Variants in NCKAP5 observed in about 807,000 individuals in gnomAD.
The protein encoded by NCKAP5 is nck-associated protein 5.
Under a neutral mutation model 167.0 loss-of-function variants are expected in NCKAP5, and 92 were observed. The observed-to-expected ratio is 0.55, with a 90% CI of 0.47 to 0.66. The LOEUF (loss-of-function observed/expected upper bound fraction) is 0.66. Among genes scored for constraint, NCKAP5 ranks in the 30% least tolerant of loss-of-function variants. The pLI is 0.00. For synonymous variants in NCKAP5, 891 were observed against 877.4 expected, an observed-to-expected ratio of 1.02 and a Z score of -0.27; for missense variants, 2,378 against 2,315.0, an observed-to-expected ratio of 1.03 and a Z score of -0.56.
chr2:133,607,508 C>T, the NCKAP5 span, among the ~76,000 whole-genome samples: 1 of 152,128 alleles, frequency 6.6e-6, no homozygotes, highest in Admixed American at 6.6e-5. Context: ...CAAAATCAAA[C>T]AAGCTGAGAC....
Position 133,263,600 on chromosome 2 carries a change from G to T in NCKAP5, c.143+39437C>A, listed in dbSNP as rs142439457. Among the ~76,000 whole-genome samples the T allele has an allele frequency of 1.2e-3, 184 of 152,148 alleles. 1 individual carries two copies. Among genetic ancestry groups the T allele is most frequent in the African/African-American group, 4.0e-3 (168 of 41,498 alleles). On this transcript the variant is annotated intron_variant, in intron 4 of 19. Transcript: ENST00000409261. ...TAGCATTATAAAAACCATTTCTGGAGGAAAGTCATGAATGATATTCACAAC... is the reference window on the plus strand; with the variant it reads ...TAGCATTATAAAAACCATTTCTGGATGAAAGTCATGAATGATATTCACAAC...
the NCKAP5 span, among the ~76,000 whole-genome samples, chr2:133,668,201 T>C: frequency 6.6e-6 from 1 of 152,032 alleles, no homozygotes; most frequent in African/African-American, 2.4e-5. Flanking sequence ...ATTTGGGTTC[T>C]TTCCACTTCT....
intron 9 of NCKAP5, among the ~76,000 whole-genome samples, chr2:132,871,943 A>C (rs1177181895): frequency 6.6e-6 from 1 of 152,208 alleles, no homozygotes; most frequent in African/African-American, 2.4e-5. Flanking sequence ...TGCAACCTCT[A>C]CTAGGCTCAA....
intron 7 of NCKAP5, among the ~76,000 whole-genome samples, chr2:132,979,415 C>A (rs2077065470): frequency 6.6e-6 from 1 of 152,114 alleles, no homozygotes; most frequent in Non-Finnish European, 1.5e-5. Context: ...AGGGCCCACC[C>A]CATGCCCTAG....
intron 3 of NCKAP5, among the ~76,000 whole-genome samples, chr2:133,310,352 C>T (rs2150608448): frequency 6.6e-6 from 1 of 152,300 alleles, no homozygotes; most frequent in African/African-American, 2.4e-5. Context: ...ATCTTGAATT[C>T]CTCTTTCCCA....
At chr2:133,241,585 C>T (rs1272279597) in intron 4 of NCKAP5, among the ~76,000 whole-genome samples, 2 of 152,200 alleles carry the variant, frequency 1.3e-5, no homozygotes, top group Non-Finnish European at 2.9e-5. Context: ...ATATGACTGT[C>T]TATGGTAACC....
At chr2:133,639,879 A>G in the NCKAP5 span, among the ~76,000 whole-genome samples, 1 of 152,196 alleles carries the variant, frequency 6.6e-6, no homozygotes, top group African/African-American at 2.4e-5. Context: ...GAGTGTAAAA[A>G]TAAATGCGGA....
At chr2:132,959,374 A>G (rs1344575121) in intron 8 of NCKAP5, among the ~76,000 whole-genome samples, 1 of 152,150 alleles carries the variant, frequency 6.6e-6, no homozygotes, top group Non-Finnish European at 1.5e-5. Context: ...GAGGCTATCT[A>G]GCTAAGTCAT....
At chr2:133,152,232 C>T (rs2083407332) in intron 5 of NCKAP5, among the ~76,000 whole-genome samples, 1 of 152,150 alleles carries the variant, frequency 6.6e-6, no homozygotes, top group Non-Finnish European at 1.5e-5. Flanking sequence ...CCCCTTACTG[C>T]AGACAATCTC....
intron 6 of NCKAP5, among the ~76,000 whole-genome samples, chr2:133,076,473 G>GA (rs146616760): frequency 0.017 from 2,493 of 150,668 alleles, 138 homozygotes; most frequent in Admixed American, 0.11. Context: ...TCCTACGTAT[G>GA]AAAAAAAAAT....
chr2:133,234,087 G>C (rs569190835), intron 4 of NCKAP5, among the ~76,000 whole-genome samples: 1 of 152,286 alleles, frequency 6.6e-6, no homozygotes, highest in South Asian at 2.1e-4. Flanking sequence ...AGAGCTTAAG[G>C]GAGGATCGCA....
rs538040277 is a variant in NCKAP5 at position 132,807,989 on chromosome 2, T to C, written c.808-11260A>G. Among the ~76,000 whole-genome samples the C allele has an allele frequency of 1.4e-3, 214 of 152,108 alleles. 1 individual carries two copies. The highest frequency in any genetic ancestry group is 4.9e-3 in the African/African-American group (203 of 41,548). ...AAGGGATGCTGGATTTTGTTGAATG[T>C]TTTTTCTGCATCTATTGAGATGATC... On this transcript the variant is annotated intron_variant, in intron 11 of 19. Coordinates refer to ENST00000409261, the MANE Select transcript of NCKAP5 (RefSeq NM_207363.3).
At position 133,380,844 on chromosome 2, in the gene NCKAP5, C is replaced by T. The variant is rs76670420; in HGVS notation, c.70-77734G>A. ...GTTTAGAAGACTAACCCCTGAGTTC[C>T]TGCATGATCCTCAACCTATAAAGGA... On this transcript the variant is annotated intron_variant, in intron 3 of 19. Transcript: ENST00000409261. Among the ~76,000 whole-genome samples, 50 of 152,322 alleles carry T rather than the reference C, an allele frequency of 3.3e-4. No homozygotes were observed. In the East Asian group the frequency reaches 9.1e-3, roughly 28 times the overall value.
chr2:133,172,694 C>G (rs1559222891), intron 5 of NCKAP5, among the ~76,000 whole-genome samples: 1 of 152,054 alleles, frequency 6.6e-6, no homozygotes, highest in Non-Finnish European at 1.5e-5. Flanking sequence ...GTTGCCCAGG[C>G]TGGAGTGCAG....
At chr2:132,967,290 T>C (rs2076702190) in intron 7 of NCKAP5, among the ~76,000 whole-genome samples, 1 of 152,174 alleles carries the variant, frequency 6.6e-6, no homozygotes, top group African/African-American at 2.4e-5. Context: ...ATATGGATTA[T>C]GTATCAGTAT....
intron 11 of NCKAP5, among the ~76,000 whole-genome samples, chr2:132,827,026 A>T (rs1007209737): frequency 6.6e-6 from 1 of 152,142 alleles, no homozygotes; most frequent in African/African-American, 2.4e-5. Flanking sequence ...TGAAAAGGGA[A>T]GAAAAGAGGC....
chr2:133,494,244 G>A (rs190509503), intron 3 of NCKAP5, among the ~76,000 whole-genome samples: 20 of 152,200 alleles, frequency 1.3e-4, no homozygotes, highest in African/African-American at 4.8e-4. Context: ...AAACCATACA[G>A]GCTTACCAAC....
intron 4 of NCKAP5, among the ~76,000 whole-genome samples, chr2:133,243,110 T>A (rs907621857): frequency 3.3e-5 from 5 of 152,178 alleles, no homozygotes; most frequent in South Asian, 2.1e-4. Context: ...TTATATATAT[T>A]TTTTAAAAAG....
At chr2:133,268,062 T>A (rs1047002574) in intron 4 of NCKAP5, among the ~76,000 whole-genome samples, 1 of 152,220 alleles carries the variant, frequency 6.6e-6, no homozygotes, top group African/African-American at 2.4e-5. Flanking sequence ...GATAAACAAA[T>A]CACCAGTGGA....
Sources: allele counts gnomAD v4.1 joint callset (sites outside exome capture counted in the v4.1 genomes callset), GRCh38; gene constraint gnomAD v4.1.1; transcripts MANE v1.5; gene names NCBI Gene and HGNC (gene_info 2026-07-23, HGNC 2026-07-21).